ORC3: variants seen among roughly 807,000 people sequenced by gnomAD.
The protein encoded by ORC3 is homolog of latheo, Drosophila.
ORC3 carries 78 observed loss-of-function variants against 100.7 expected under a neutral mutation model. That is an observed-to-expected ratio of 0.77 (90% CI 0.65 to 0.94). The LOEUF is 0.94. Among genes scored for constraint, ORC3 ranks in the 40% least tolerant of loss-of-function variants. The pLI is 0.00. For synonymous variants in ORC3, 295 were observed against 289.3 expected (o/e 1.02, Z -0.20); for missense variants, 789 against 823.9 (o/e 0.96, Z 0.52).
chr6:87,675,378 G>A, the ORC3 span: 1 of 569,444 alleles, frequency 1.8e-6, no homozygotes, highest in Admixed American at 3.1e-5. Flanking sequence ...TGAGGCCACT[G>A]GTATTAATAC....
In ORC3 at chr6:87,601,791, T is replaced by G; in HGVS notation, c.87T>G (p.Tyr29Ter). Residue 29 changes from tyrosine (Y) to a stop codon, truncating the protein, a stop_gained, in exon 3 of 20, where the codon TAT becomes TAG. Transcript: ENST00000392844. LOFTEE classifies it high-confidence loss of function. ...ATTTCTTTCTGTTTTTAGAGGACTA[T>G]TTTAACAAAGGGAAAAATGAGCCTG... is the stretch of plus-strand genomic sequence containing the variant. ...KRKISLPIED[Y>*]FNKGKNEPED... 6.3e-7 allele frequency: 1 copy of G among 1,593,378 alleles called. No homozygotes were observed. Among genetic ancestry groups the G allele is most frequent in the African/African-American group, 1.3e-5 (1 of 74,626 alleles).
rs762242881 is a variant in ORC3, at chr6:87,656,898, A to G, written c.1517-8A>G. ...CATTGATGTCTACTGGTTTTGTATT[A>G]AAAGCAGAAACCAAAGAGGAAGAAG... On this transcript the variant is annotated splice_polypyrimidine_tract_variant and splice_region_variant and intron_variant, in intron 14 of 19. Coordinates refer to ENST00000392844, the MANE Select transcript of ORC3 (RefSeq NM_012381.4). 2 of 1,605,104 alleles carry G rather than the reference A, an allele frequency of 1.2e-6. No individual in the cohort carries two copies. The highest frequency in any genetic ancestry group is 1.7e-6 in the Non-Finnish European group (2 of 1,173,298).
rs1778563819 is a variant in ORC3 at position 87,609,177 on chromosome 6, G to C, written c.661G>C (p.Asp221His). 6.2e-7 allele frequency: 1 copy of C among 1,610,676 alleles called. No homozygotes were observed. Among genetic ancestry groups the C allele is most frequent in the African/African-American group, 1.3e-5 (1 of 74,922 alleles). Residue 221 changes from aspartate to histidine, a missense_variant, in exon 7 of 20, where the codon GAT becomes CAT. Physicochemically the swap from Asp to His is moderately conservative, Grantham distance 81. Transcript: ENST00000392844. ...QSPPVVVILK[D>H]MESFATKVLQ... The stretch of plus-strand genomic sequence containing the variant: ...TCCTCCTGTTGTCGTTATCTTGAAG[G>C]ATATGGAAAGCTTTGCCACAAAAGT...
At chr6:87,672,833 C>G in the ORC3 span, among the ~76,000 whole-genome samples, 1 of 152,046 alleles carries the variant, frequency 6.6e-6, no homozygotes, top group African/African-American at 2.4e-5. Context: ...CCTATTTTTC[C>G]AAAAGTACAA....
intron 13 of ORC3, among the ~76,000 whole-genome samples, chr6:87,637,772 A>C (rs761152490): frequency 1.1e-4 from 16 of 152,240 alleles, no homozygotes; most frequent in Non-Finnish European, 1.9e-4. Flanking sequence ...CAAGAATGCC[A>C]GTTCCAAAGT....
chr6:87,618,185 C>A (rs565306852), intron 9 of ORC3, among the ~76,000 whole-genome samples: 1 of 152,244 alleles, frequency 6.6e-6, no homozygotes, highest in South Asian at 2.1e-4. Context: ...CCGAGGCAGG[C>A]AGATCATGAT....
Position 87,667,256 on chromosome 6 carries a change from A to C in ORC3, c.*133A>C. 1 of 571,424 alleles carries C rather than the reference A, an allele frequency of 1.8e-6. No individual in the cohort carries two copies. The highest frequency in any genetic ancestry group is 3.1e-6 in the Non-Finnish European group (1 of 327,728). 35.4% of individuals were successfully genotyped at this position (571,424 alleles called of 1,614,324 possible). ...GTAACCCCCATTGATGTTTAACCAG[A>C]AAAGTACATTGCTAACCCCAAACAG... On this transcript the variant is annotated 3_prime_UTR_variant, in exon 20 of 20. Coordinates refer to ENST00000392844, the MANE Select transcript of ORC3 (RefSeq NM_012381.4).
Position 87,594,348 on chromosome 6 carries a change from T to A in ORC3, c.25-5T>A, listed in dbSNP as rs570332823. The A allele has an allele frequency of 6.3e-7, 1 of 1,576,578 alleles. No individual in the cohort carries two copies. The highest frequency in any genetic ancestry group is 8.7e-7 in the Non-Finnish European group (1 of 1,154,048). On this transcript the variant is annotated splice_region_variant and splice_polypyrimidine_tract_variant and intron_variant, in intron 1 of 19. Transcript: ENST00000392844. ...ACTTTATGCTTTTCGTCTTTCTTTT[T>A]ATAGGGTTGCTTTGTTTTTAAGCCA...
chr6:87,660,760 TTGTC>T (rs1770117959), intron 16 of ORC3, among the ~76,000 whole-genome samples: 1 of 152,246 alleles, frequency 6.6e-6, no homozygotes, highest in Admixed American at 6.5e-5. Flanking sequence ...GGCCTATCAT[TTGTC>T]TGGTCTGAAT....
chr6:87,615,664 C>T (rs1779106051), intron 8 of ORC3, among the ~76,000 whole-genome samples: 2 of 152,286 alleles, frequency 1.3e-5, no homozygotes, highest in South Asian at 2.1e-4. Flanking sequence ...CACTGCACTC[C>T]AGCCTGGGCA....
At chr6:87,648,600 T>C (rs1768993216) in intron 13 of ORC3, among the ~76,000 whole-genome samples, 1 of 152,232 alleles carries the variant, frequency 6.6e-6, no homozygotes, top group Non-Finnish European at 1.5e-5. Context: ...TATTGGATTC[T>C]GGACAAGTTT....
At chr6:87,602,003 G>A in intron 3 of ORC3, 122 bp downstream of exon 3, 2 of 662,548 alleles carry the variant, frequency 3.0e-6, no homozygotes, top group Non-Finnish European at 2.7e-6. Context: ...GTCAAGCATA[G>A]CCTGTATATC....
At chr6:87,643,627 T>C (rs1163476682) in intron 13 of ORC3, among the ~76,000 whole-genome samples, 1 of 152,226 alleles carries the variant, frequency 6.6e-6, no homozygotes, top group Non-Finnish European at 1.5e-5. Context: ...TTTTTCTTTA[T>C]TAAACATTTA....
intron 8 of ORC3, among the ~76,000 whole-genome samples, chr6:87,616,048 G>A (rs2128259033): frequency 6.6e-6 from 1 of 152,052 alleles, no homozygotes; most frequent in East Asian, 1.9e-4. Context: ...TTAATAGGTG[G>A]TATTTTTTTT....
chr6:87,665,800 C>G lies in ORC3; in HGVS notation c.1997C>G (p.Ser666Cys). 1 of 1,611,392 alleles carries G rather than the reference C, an allele frequency of 6.2e-7. No homozygotes were observed. The highest frequency in any genetic ancestry group is 8.5e-7 in the Non-Finnish European group (1 of 1,177,842). ...VTAAEKMDANSATSEEMNEII... is the reference protein window; with the variant it reads ...VTAAEKMDANCATSEEMNEII... Reference sequence around the variant, plus strand: ...GCTGCTGAAAAAATGGATGCAAATTCTGCAACCTCAGAAGAAATGAATGAA... The same window carrying G: ...GCTGCTGAAAAAATGGATGCAAATTGTGCAACCTCAGAAGAAATGAATGAA... The change falls in exon 19 of 20, where the codon TCT (serine) becomes TGT (cysteine). Residue 666 changes from serine to cysteine, a missense_variant. This residue lies in a region of ORC3 where 366 missense variants were observed against 394.2 expected (regional missense o/e 0.93). Coordinates refer to ENST00000392844, the MANE Select transcript of ORC3 (RefSeq NM_012381.4).
chr6:87,605,473 A>G (rs1228129097), intron 4 of ORC3, among the ~76,000 whole-genome samples: 1 of 152,148 alleles, frequency 6.6e-6, no homozygotes, highest in Non-Finnish European at 1.5e-5. Flanking sequence ...CAACGTGGTG[A>G]AACCCTGTCT....
chr6:87,621,012 C>G (rs1322989676), intron 9 of ORC3, among the ~76,000 whole-genome samples: 2 of 152,100 alleles, frequency 1.3e-5, no homozygotes, highest in Admixed American at 6.5e-5. Flanking sequence ...TTTGGGGTAT[C>G]TATTAGACCC....
chr6:87,675,705 A>T, the ORC3 span: 1 of 1,522,070 alleles, frequency 6.6e-7, no homozygotes, highest in South Asian at 1.2e-5. Flanking sequence ...GTATTTAAGT[A>T]ACCAAAAGAC....
At chr6:87,594,544 A>G (rs1777287792) in intron 2 of ORC3, 137 bp downstream of exon 2, 3 of 1,351,124 alleles carry the variant, frequency 2.2e-6, no homozygotes, top group African/African-American at 2.9e-5. Context: ...GTTCCAAGGC[A>G]TTGGTCAAAG....
Sources: gnomAD v4.1 joint callset for allele counts (sites outside exome capture counted in the v4.1 genomes callset) on GRCh38, gnomAD v4.1.1 for gene constraint, gnomAD v4.1.1 regional missense constraint, MANE v1.5 for transcripts, NCBI Gene and HGNC (gene_info 2026-07-23, HGNC 2026-07-21) for gene names.